PTK7: variants seen among roughly 807,000 people sequenced by gnomAD.
PTK7 encodes inactive tyrosine-protein kinase 7.
A neutral mutation model predicts 116.6 loss-of-function variants in PTK7; 39 were observed. The ratio of observed to expected loss-of-function variants is 0.33; its 90% CI spans 0.26 to 0.44. PTK7 has a LOEUF of 0.44. Among genes scored for constraint, PTK7 ranks in the 20% least tolerant of loss-of-function variants. PTK7 has a pLI of 1.00. For synonymous variants in PTK7, 546 were observed against 563.6 expected (o/e 0.97, Z 0.44); for missense variants, 1,169 against 1,425.6 (o/e 0.82, Z 2.90).
At position 43,143,617 on chromosome 6, in the gene PTK7, A is replaced by G. The variant is rs1311791852; in HGVS notation, c.2248A>G (p.Asn750Asp). The stretch of plus-strand genomic sequence containing the variant: ...CGAGGAGCCAGAGATGGAATGCCTC[A>G]ACGGTGAGGGGCCCTGGACGGGGAG... The part of the protein sequence containing the change: ...EGEEPEMECL[N>D]GGPLQNGQPS... Residue 750 changes from asparagine to aspartate, a missense_variant, in exon 14 of 20, where the codon AAC becomes GAC. Around this residue, in one of 3 missense-constraint regions of PTK7, gnomAD observed 678 missense variants for 853.8 expected, o/e 0.79. Coordinates refer to ENST00000230419, the MANE Select transcript of PTK7 (RefSeq NM_002821.5). The surrounding 1 kb of genome is among the most constrained non-coding windows in gnomAD (Gnocchi z 4.2). 3 of 1,611,422 alleles carry G rather than the reference A, an allele frequency of 1.9e-6. No individual in the cohort carries two copies. The highest frequency in any genetic ancestry group is 1.1e-5 in the South Asian group (1 of 90,988).
At chr6:43,123,457 A>G (rs1769081506) in intron 1 of PTK7, among the ~76,000 whole-genome samples, 1 of 152,186 alleles carries the variant, frequency 6.6e-6, no homozygotes, top group African/African-American at 2.4e-5. Context: ...AGTGCCTAGG[A>G]AAAACTTCCT....
Position 43,142,050 on chromosome 6 carries a change from C to A in PTK7, c.1888C>A (p.Arg630Ser), listed in dbSNP as rs1288366106. 2 of 1,613,906 alleles carry A rather than the reference C, an allele frequency of 1.2e-6. No individual in the cohort carries two copies. The highest frequency in any genetic ancestry group is 3.3e-5 in the Admixed American group (2 of 60,014). The change falls in exon 12 of 20, where the codon CGC becomes AGC. Residue 630 changes from arginine to serine, a missense_variant. Physicochemically the swap from Arg to Ser is moderately radical, Grantham distance 110. This residue lies in a region of PTK7 where 678 missense variants were observed against 853.8 expected (regional missense o/e 0.79). Coordinates refer to ENST00000230419, the MANE Select transcript of PTK7 (RefSeq NM_002821.5). ...GCTGATTCAGTGGAAAGGCAAGGACCGCATCCTGGACCCCACCAAGCTGGG... is the reference window on the plus strand; with the variant it reads ...GCTGATTCAGTGGAAAGGCAAGGACAGCATCCTGGACCCCACCAAGCTGGG... ...KPLIQWKGKD[R>S]ILDPTKLGPR...
intron 13 of PTK7, 152 bp downstream of exon 13, chr6:43,142,451 T>G (rs1164525178): frequency 8.4e-7 from 1 of 1,194,286 alleles, no homozygotes; most frequent in African/African-American, 1.5e-5. Context: ...CTGCACAGTC[T>G]TAGAGTCCTT....
chr6:43,076,950 A>G lies in PTK7; in HGVS notation c.79+383A>G. The G allele has an allele frequency of 3.3e-6, 5 of 1,513,614 alleles. No homozygotes were observed. Among genetic ancestry groups the G allele is most frequent in the Non-Finnish European group, 4.4e-6 (5 of 1,131,226 alleles). The allele number at this position is 1,513,614 out of a possible 1,614,324, so 93.8% of individuals were successfully genotyped here. A position where few individuals can be genotyped will look rare whatever the true frequency, so the allele number is the denominator to read the frequency against. ...CACCGTGGGGAGCGCGATGGAGAAA[A>G]AGGAATTCCCCACCCCACCCGGCAG... On this transcript the variant is annotated intron_variant, in intron 1 of 19. Transcript: ENST00000230419. The surrounding 1 kb of genome is among the most constrained non-coding windows in gnomAD (Gnocchi z 5.7).
At position 43,156,050 on chromosome 6, in the gene PTK7, G is replaced by A. The variant is rs192142872; in HGVS notation, c.2722-2767G>A. The stretch of plus-strand genomic sequence containing the variant: ...TCAAGACCAGCCTGACCAATGTGGT[G>A]AAACCCCATCTCTACTAAAAATACA... On this transcript the variant is annotated intron_variant, in intron 17 of 19. Coordinates refer to ENST00000230419, the MANE Select transcript of PTK7 (RefSeq NM_002821.5). Among the ~76,000 whole-genome samples the A allele has an allele frequency of 3.2e-4, 48 of 151,720 alleles. 2 individuals carry two copies. The highest frequency in any genetic ancestry group is 1.6e-3 in the Admixed American group (25 of 15,222).
intron 7 of PTK7, among the ~76,000 whole-genome samples, chr6:43,136,031 T>C (rs1308836419): frequency 1.3e-5 from 2 of 152,088 alleles, no homozygotes; most frequent in African/African-American, 2.4e-5. Context: ...CTACTAAAAA[T>C]ACAAAAATTA....
In PTK7 at chr6:43,139,243, C is replaced by A; in HGVS notation, c.1470C>A (p.Ile490=). Residue 490 remains isoleucine, a synonymous_variant, in exon 9 of 20, where the codon ATC becomes ATA. Transcript: ENST00000230419. The surrounding 1 kb of genome is among the most constrained non-coding windows in gnomAD (Gnocchi z 4.6). ...TGAGCAGCACCCCAGCCGGCAGCATCGAGGCGCAAGCCCGTGTCCAAGTGC... is the reference window on the plus strand; with the variant it reads ...TGAGCAGCACCCCAGCCGGCAGCATAGAGGCGCAAGCCCGTGTCCAAGTGC... ...RCMSSTPAGS[I]EAQARVQVLE... 6.2e-7 allele frequency: 1 copy of A among 1,614,218 alleles called. No individual in the cohort carries two copies. Among genetic ancestry groups the A allele is most frequent in the Non-Finnish European group, 8.5e-7 (1 of 1,180,036 alleles).
At chr6:43,147,154 G>T (rs1770774550) in intron 17 of PTK7, among the ~76,000 whole-genome samples, 1 of 152,246 alleles carries the variant, frequency 6.6e-6, no homozygotes, top group Admixed American at 6.5e-5. Flanking sequence ...TGAATGGGCT[G>T]CCTGGGTTTC....
chr6:43,130,484 C>T (rs1361123538), intron 4 of PTK7, 27 bp from the exon 5 acceptor site: 2 of 1,610,928 alleles, frequency 1.2e-6, no homozygotes, highest in African/African-American at 2.7e-5. Context: ...ACCCAGGCTG[C>T]ATGCTCCCCC....
At chr6:43,117,431 G>T (rs754290549) in intron 1 of PTK7, among the ~76,000 whole-genome samples, 3 of 152,180 alleles carry the variant, frequency 2.0e-5, no homozygotes, top group African/African-American at 4.8e-5. Flanking sequence ...GGTTGTGGAG[G>T]GAATGTGGGT....
chr6:43,097,543 G>C (rs1007082550), intron 1 of PTK7, among the ~76,000 whole-genome samples: 12 of 152,284 alleles, frequency 7.9e-5, no homozygotes, highest in South Asian at 2.1e-4. Flanking sequence ...ACAGGTCTAT[G>C]ACCAAAAAAG....
chr6:43,137,990 G>T (rs1770145233), intron 7 of PTK7, among the ~76,000 whole-genome samples: 1 of 151,944 alleles, frequency 6.6e-6, no homozygotes, highest in Non-Finnish European at 1.5e-5. Flanking sequence ...TGTATTTTTA[G>T]TAGAGACGGG....
rs1351557767 is a variant in PTK7, at chr6:43,143,599, C to T, written c.2230C>T (p.Pro744Ser). Reference protein sequence around the residue: ...RLQKQPEGEEPEMECLNGGPL... With the variant: ...RLQKQPEGEESEMECLNGGPL... ...GCAGAAGCAGCCCGAGGGCGAGGAG[C>T]CAGAGATGGAATGCCTCAACGGTGA... Residue 744 changes from proline (P) to serine (S), a missense_variant, in exon 14 of 20, where the codon CCA (proline) becomes TCA (serine). Physicochemically the swap from Pro to Ser is moderately conservative, Grantham distance 74. Transcript: ENST00000230419. The surrounding 1 kb of genome is among the most constrained non-coding windows in gnomAD (Gnocchi z 4.2). 3.1e-6 allele frequency: 5 copies of T among 1,612,402 alleles called. No individual in the cohort carries two copies. In the South Asian group the frequency reaches 5.5e-5, roughly 18 times the overall value.
intron 16 of PTK7, chr6:43,146,139 G>C (rs1770711401): frequency 6.5e-6 from 1 of 154,144 alleles, no homozygotes; most frequent in Non-Finnish European, 1.4e-5. Context: ...ACCAGCCTGG[G>C]CAACATAGCA....
chr6:43,127,343 TA>T (rs1769352061), intron 1 of PTK7, among the ~76,000 whole-genome samples: 1 of 152,196 alleles, frequency 6.6e-6, no homozygotes, highest in African/African-American at 2.4e-5. Flanking sequence ...CCACGCGGGC[TA>T]GGAACAAAGT....
intron 1 of PTK7, among the ~76,000 whole-genome samples, chr6:43,124,263 G>A (rs1020078558): frequency 6.6e-6 from 1 of 152,170 alleles, no homozygotes; most frequent in African/African-American, 2.4e-5. Context: ...CTCTGTCATT[G>A]CTGTCCTCCA....
At chr6:43,131,513 G>T (rs1436660818) in intron 5 of PTK7, among the ~76,000 whole-genome samples, 1 of 152,178 alleles carries the variant, frequency 6.6e-6, no homozygotes, top group Non-Finnish European at 1.5e-5. Flanking sequence ...AGGCAAGGAA[G>T]ACCAAGTCAC....
At chr6:43,089,001 C>T (rs1217872391) in intron 1 of PTK7, among the ~76,000 whole-genome samples, 2 of 152,176 alleles carry the variant, frequency 1.3e-5, no homozygotes, top group Non-Finnish European at 2.9e-5. Flanking sequence ...TTAGCCACCT[C>T]ATACTACTTT....
rs370280048 is a variant in PTK7, at chr6:43,145,212, T to C, written c.2420T>C (p.Phe807Ser). ...QPITTLGKSE[F>S]GEVFLAKAQG... ...ACTGTACCCACAGGGAAGAGTGAGT[T>C]TGGGGAGGTGTTCCTGGCAAAGGCT... Residue 807 changes from phenylalanine to serine, a missense_variant, in exon 16 of 20, where the codon TTT becomes TCT. Phe to Ser is a radical substitution (Grantham distance 155, BLOSUM62 -2). Coordinates refer to ENST00000230419, the MANE Select transcript of PTK7 (RefSeq NM_002821.5). This position sits in a 1 kb window ranked among gnomAD's most constrained non-coding sequence, Gnocchi z 4.8. The C allele has an allele frequency of 1.9e-6, 3 of 1,608,142 alleles. No homozygotes were observed. The highest frequency in any genetic ancestry group is 1.7e-5 in the Admixed American group (1 of 59,624).
Sources: allele counts gnomAD v4.1 joint callset (sites outside exome capture counted in the v4.1 genomes callset), GRCh38; gene constraint gnomAD v4.1.1; regional missense constraint gnomAD v4.1.1; non-coding constraint Gnocchi (gnomAD v3.1); transcripts MANE v1.5; gene names NCBI Gene and HGNC (gene_info 2026-07-23, HGNC 2026-07-21).